The following RPS6KC1 variants were observed in gnomAD, a reference collection of about 807,000 sequenced individuals.
The protein encoded by RPS6KC1 is ribosomal protein S6 kinase C1, also known as inactive ribosomal protein S6 kinase delta-1.
A neutral mutation model predicts 103.8 loss-of-function variants in RPS6KC1; 54 were observed. That is an observed-to-expected ratio of 0.52 (90% CI 0.42 to 0.65). RPS6KC1 has a LOEUF of 0.65. RPS6KC1 is among the 30% of genes least tolerant of loss of function. The pLI, the probability that RPS6KC1 is intolerant of heterozygous loss-of-function variation, is 0.00. For missense variants in RPS6KC1, 1,151 were observed against 1,253.8 expected (o/e 0.92, Z 1.24); for synonymous variants, 439 against 438.7 (o/e 1.00, Z -0.01).
rs928028340 is a variant in RPS6KC1 at position 213,129,985 on chromosome 1, A to G, written c.835+96A>G. 439 of 1,206,578 alleles carry G rather than the reference A, an allele frequency of 3.6e-4. 1 individual carries two copies. The highest frequency in any genetic ancestry group is 2.0e-3 in the Middle Eastern group (7 of 3,430). 74.7% of individuals were successfully genotyped at this position (1,206,578 alleles called of 1,614,324 possible). ...ATATCTTCTGTATAGTCTTATGGAA[A>G]TAATACTGAAAATGAGAAATTACTG... On this transcript the variant is annotated intron_variant, in intron 6 of 14. Coordinates refer to ENST00000366960, the MANE Select transcript of RPS6KC1 (RefSeq NM_012424.6).
chr1:213,232,258 T>C lies in RPS6KC1; in HGVS notation c.1225+3T>C, dbSNP rs1267802642. 6 of 1,613,800 alleles carry C rather than the reference T, an allele frequency of 3.7e-6. No individual in the cohort carries two copies. Among genetic ancestry groups the C allele is most frequent in the African/African-American group, 1.3e-5 (1 of 74,912 alleles). ...TCTTGTGCTGCAGCATGCGGAAGGT[T>C]GGTTTGTAGTTTGGATTGTTTATGC... On this transcript the variant is annotated splice_donor_region_variant and intron_variant, in intron 10 of 14. Transcript: ENST00000366960.
chr1:213,474,148 T>C, the RPS6KC1 span, among the ~76,000 whole-genome samples: 1 of 152,156 alleles, frequency 6.6e-6, no homozygotes, highest in African/African-American at 2.4e-5. Flanking sequence ...CTCTGACTAA[T>C]TTTAGCTCAA....
the RPS6KC1 span, among the ~76,000 whole-genome samples, chr1:213,353,422 C>T: frequency 6.6e-6 from 1 of 152,226 alleles, no homozygotes; most frequent in East Asian, 1.9e-4. Flanking sequence ...GAAGAGGCAA[C>T]TGAAGCAAAA....
chr1:213,766,832 C>T, the RPS6KC1 span, among the ~76,000 whole-genome samples: 1 of 152,064 alleles, frequency 6.6e-6, no homozygotes, highest in African/African-American at 2.4e-5. Flanking sequence ...TTCTTTTTGT[C>T]AAAGAATTCA....
the RPS6KC1 span, among the ~76,000 whole-genome samples, chr1:213,476,479 A>G: frequency 6.6e-6 from 1 of 152,218 alleles, no homozygotes; most frequent in Non-Finnish European, 1.5e-5. Flanking sequence ...GCTTTAAACC[A>G]ATGTAGCTGA....
At chr1:213,652,235 G>A in the RPS6KC1 span, among the ~76,000 whole-genome samples, 5 of 152,040 alleles carry the variant, frequency 3.3e-5, no homozygotes, top group African/African-American at 9.7e-5. Flanking sequence ...TGCATTCTAC[G>A]TGCCTGGCAC....
the RPS6KC1 span, among the ~76,000 whole-genome samples, chr1:213,605,123 G>A: frequency 2.0e-5 from 3 of 151,944 alleles, no homozygotes; most frequent in African/African-American, 7.3e-5. Context: ...TAGCTTCTTG[G>A]TAGTTTTTTT....
chr1:213,557,434 G>T, the RPS6KC1 span, among the ~76,000 whole-genome samples: 1 of 152,166 alleles, frequency 6.6e-6, no homozygotes, highest in Non-Finnish European at 1.5e-5. Flanking sequence ...ATGTGTGGGA[G>T]GCTTGTGCTG....
chr1:213,449,813 T>A, the RPS6KC1 span, among the ~76,000 whole-genome samples: 4 of 152,336 alleles, frequency 2.6e-5, no homozygotes, highest in South Asian at 8.3e-4. Context: ...CTTCCACCCG[T>A]GGTGACGTTG....
chr1:213,329,072 G>A, the RPS6KC1 span, among the ~76,000 whole-genome samples: 1 of 152,118 alleles, frequency 6.6e-6, no homozygotes, highest in Non-Finnish European at 1.5e-5. Context: ...GCTGGTTAGA[G>A]TACCACTTTG....
At chr1:213,157,688 T>G (rs1278917885) in intron 6 of RPS6KC1, among the ~76,000 whole-genome samples, 2 of 152,206 alleles carry the variant, frequency 1.3e-5, no homozygotes, top group African/African-American at 4.8e-5. Context: ...TTCTGTAGAT[T>G]CAGAATTCAG....
chr1:213,279,892 A>G, the RPS6KC1 span, among the ~76,000 whole-genome samples: 1 of 152,190 alleles, frequency 6.6e-6, no homozygotes, highest in African/African-American at 2.4e-5. Flanking sequence ...TCCCAAACCT[A>G]TTGAATTGGA....
chr1:213,828,904 G>A, the RPS6KC1 span, among the ~76,000 whole-genome samples: 4 of 152,144 alleles, frequency 2.6e-5, no homozygotes, highest in Non-Finnish European at 5.9e-5. Flanking sequence ...ATCACCTAGT[G>A]GGGAAATGTA....
the RPS6KC1 span, among the ~76,000 whole-genome samples, chr1:213,604,802 C>T: frequency 6.6e-6 from 1 of 152,006 alleles, no homozygotes; most frequent in African/African-American, 2.4e-5. Flanking sequence ...CCATTGGAGA[C>T]CTGGGAAAAG....
chr1:213,648,191 C>T, the RPS6KC1 span, among the ~76,000 whole-genome samples: 6 of 152,178 alleles, frequency 3.9e-5, 1 homozygote, highest in Non-Finnish European at 8.8e-5. Context: ...TGTTGTGGTG[C>T]TTCCCTAAAA....
At chr1:213,462,334 G>A in the RPS6KC1 span, among the ~76,000 whole-genome samples, 1 of 152,196 alleles carries the variant, frequency 6.6e-6, no homozygotes, top group African/African-American at 2.4e-5. Context: ...TTCAACCATT[G>A]TGGAAGACAG....
the RPS6KC1 span, among the ~76,000 whole-genome samples, chr1:213,660,378 C>T: frequency 6.6e-6 from 1 of 152,184 alleles, no homozygotes; most frequent in African/African-American, 2.4e-5. Context: ...CATTGGAAGG[C>T]CTCTGGGCAC....
the RPS6KC1 span, among the ~76,000 whole-genome samples, chr1:213,332,088 T>C: frequency 1.3e-5 from 2 of 151,290 alleles, no homozygotes; most frequent in South Asian, 2.1e-4. Flanking sequence ...TTTCCATACA[T>C]GTGTCCCAGG....
chr1:213,119,362 G>T (rs994596339), intron 5 of RPS6KC1, among the ~76,000 whole-genome samples: 4 of 147,706 alleles, frequency 2.7e-5, no homozygotes, highest in African/African-American at 7.6e-5. Flanking sequence ...CATGAGAATT[G>T]CCTGAACCAT....
Sources: allele counts gnomAD v4.1 joint callset (sites outside exome capture counted in the v4.1 genomes callset), GRCh38; gene constraint gnomAD v4.1.1; transcripts MANE v1.5; gene names NCBI Gene and HGNC (gene_info 2026-07-23, HGNC 2026-07-21).